ODF2L: variants seen among roughly 807,000 people sequenced by gnomAD.
ODF2L encodes the protein outer dense fiber of sperm tails 2 like, also known as protein BCAP.
ODF2L carries 76 observed loss-of-function variants against 86.3 expected under a neutral mutation model. The observed-to-expected ratio is 0.88, with a 90% confidence interval of 0.73 to 1.07. ODF2L has a LOEUF of 1.07. Among genes scored for constraint, ODF2L ranks in the 50% least tolerant of loss-of-function variants. The pLI, the probability that ODF2L is intolerant of heterozygous loss-of-function variation, is 0.00. For missense variants in ODF2L, 748 were observed against 717.4 expected (o/e 1.04, Z -0.49); for synonymous variants, 241 against 231.3 (o/e 1.04, Z -0.38).
chr1:86,354,108 G>C (rs1209695334), intron 16 of ODF2L, among the ~76,000 whole-genome samples: 2 of 152,226 alleles, frequency 1.3e-5, no homozygotes, highest in African/African-American at 4.8e-5. Flanking sequence ...AGTATTCGTT[G>C]AATGCTAACC....
Position 86,382,986 on chromosome 1 carries a change from ACCTT to A in ODF2L, c.448_451del (p.Lys150TyrfsTer23). 1 of 1,545,880 alleles carries A rather than the reference ACCTT, an allele frequency of 6.5e-7. No individual in the cohort carries two copies. On this transcript the variant is annotated frameshift_variant, in exon 6 of 18. Coordinates refer to ENST00000317336, the Ensembl canonical transcript of ODF2L. LOFTEE classifies it high-confidence loss of function. ...TTGGATATGGGCCTCCTTTTCAAAT[ACCTT>A]CTTCTTAAGATTCTTGAGCAAATAT... is the stretch of plus-strand genomic sequence containing the variant.
intron 7 of ODF2L, among the ~76,000 whole-genome samples, chr1:86,378,682 G>A (rs1279382852): frequency 1.3e-5 from 2 of 152,072 alleles, no homozygotes; most frequent in Non-Finnish European, 2.9e-5. Context: ...GAAGAGCCAA[G>A]GGGGGAAGCC....
At chr1:86,355,676 T>A (rs1410363800) in intron 14 of ODF2L, among the ~76,000 whole-genome samples, 5 of 152,162 alleles carry the variant, frequency 3.3e-5, no homozygotes, top group Non-Finnish European at 7.4e-5. Context: ...ATCCTCTCCC[T>A]CTTCCCACTC....
chr1:86,347,597 GAC>G (rs1208906881), downstream of ODF2L: 2 of 152,180 alleles, frequency 1.3e-5, no homozygotes, highest in Admixed American at 6.5e-5. Flanking sequence ...TGAATGATAT[GAC>G]AGTCTTAAAA....
At chr1:86,363,745 T>C (rs1399652808) in intron 11 of ODF2L, among the ~76,000 whole-genome samples, 1 of 151,936 alleles carries the variant, frequency 6.6e-6, no homozygotes, top group Admixed American at 6.6e-5. Flanking sequence ...AGATTACAGG[T>C]GATTTAAATT....
In ODF2L at chr1:86,386,914, C is replaced by A; in HGVS notation, c.113+1G>T. Reference sequence around the variant, plus strand: ...ATTTCCCCTGATACTGATGAGAATACCAGCTGAGATGACTTTCACTGGTAC... The same window carrying A: ...ATTTCCCCTGATACTGATGAGAATAACAGCTGAGATGACTTTCACTGGTAC... On this transcript the variant is annotated splice_donor_variant, in intron 2 of 17. Transcript: ENST00000317336. LOFTEE classifies it high-confidence loss of function. The A allele has an allele frequency of 6.8e-7, 1 of 1,476,706 alleles. No homozygotes were observed. Among genetic ancestry groups the A allele is most frequent in the East Asian group, 2.3e-5 (1 of 43,152 alleles). 91.5% of individuals were successfully genotyped at this position (1,476,706 alleles called of 1,614,324 possible).
At chr1:86,394,800 T>C (rs909663742) in intron 1 of ODF2L, among the ~76,000 whole-genome samples, 6 of 151,498 alleles carry the variant, frequency 4.0e-5, no homozygotes, top group Admixed American at 3.9e-4. Context: ...TCAAACTAAT[T>C]TCAAAAGCAG....
intron 11 of ODF2L, among the ~76,000 whole-genome samples, chr1:86,364,857 T>C (rs918353657): frequency 6.6e-6 from 1 of 152,200 alleles, no homozygotes; most frequent in East Asian, 1.9e-4. Context: ...GTAATAAACA[T>C]ACATCTCTAT....
chr1:86,382,886 A>G (rs2101312460), intron 6 of ODF2L, 45 bp downstream of exon 6: 2 of 899,046 alleles, frequency 2.2e-6, no homozygotes, highest in Admixed American at 1.8e-5. Flanking sequence ...AAGGGAGTCA[A>G]TATTAATATA....
intron 12 of ODF2L, 24 bp from the exon 12 acceptor site, chr1:86,358,915 CATATT>C: frequency 1.8e-6 from 2 of 1,120,484 alleles, no homozygotes; most frequent in Middle Eastern, 2.1e-4. Context: ...ATTAGAGAAA[CATATT>C]ATTTTTAGAA....
At chr1:86,393,152 T>C (rs986900424) in intron 1 of ODF2L, among the ~76,000 whole-genome samples, 1 of 152,218 alleles carries the variant, frequency 6.6e-6, no homozygotes, top group Admixed American at 6.5e-5. Context: ...CAGATGAATA[T>C]GTATTTTAAA....
intron 6 of ODF2L, 140 bp from the exon 7 acceptor site, chr1:86,382,498 G>A (rs760020836): frequency 2.0e-5 from 28 of 1,382,282 alleles, no homozygotes; most frequent in African/African-American, 1.2e-4. Context: ...ATAAACTGCC[G>A]CCCCTATTAC....
At chr1:86,355,294 A>C in intron 14 of ODF2L, 1 of 1,183,676 alleles carries the variant, frequency 8.4e-7, no homozygotes, top group Non-Finnish European at 1.2e-6. Flanking sequence ...TAAATAAAAT[A>C]CATATTTTTT....
At chr1:86,352,275 T>A in intron 17 of ODF2L, 2 of 1,406,476 alleles carry the variant, frequency 1.4e-6, no homozygotes, top group Non-Finnish European at 9.3e-7. Context: ...CGTAATTTAA[T>A]CATGAGTAAT....
At chr1:86,383,276 C>T (rs925961757) in intron 4 of ODF2L, 80 bp from the exon 5 acceptor site, 4 of 621,076 alleles carry the variant, frequency 6.4e-6, no homozygotes, top group South Asian at 2.6e-5. Flanking sequence ...ATAAGCACTA[C>T]TCAATAAATT....
chr1:86,348,882 A>C, downstream of ODF2L: 1 of 1,551,566 alleles, frequency 6.4e-7, no homozygotes, highest in Non-Finnish European at 8.6e-7. Flanking sequence ...GTGCTTTCTA[A>C]AGAAAAAAGG....
At chr1:86,373,421 T>C (rs868205308) in intron 8 of ODF2L, among the ~76,000 whole-genome samples, 3 of 150,354 alleles carry the variant, frequency 2.0e-5, no homozygotes, top group African/African-American at 7.3e-5. Flanking sequence ...GGGCTACAAA[T>C]GTCTGCCAAC....
intron 14 of ODF2L, chr1:86,355,502 G>A (rs1658479033): frequency 6.9e-6 from 4 of 579,460 alleles, no homozygotes; most frequent in Non-Finnish European, 1.2e-5. Context: ...TCTCTTCTCA[G>A]GAATTTAAAC....
At position 86,354,519 on chromosome 1, in the gene ODF2L, G is replaced by A. The variant is rs768165054; in HGVS notation, c.1767+11C>T. The stretch of plus-strand genomic sequence containing the variant: ...TGAATTAAAAAGTTTCTAAATAAAG[G>A]CCATGCATACCTTTTGTCTTCCTTC... On this transcript the variant is annotated intron_variant, in intron 16 of 17. Coordinates refer to ENST00000317336, the Ensembl canonical transcript of ODF2L. 1.9e-6 allele frequency: 3 copies of A among 1,545,076 alleles called. No homozygotes were observed. Among genetic ancestry groups the A allele is most frequent in the Non-Finnish European group, 2.6e-6 (3 of 1,134,988 alleles).
Sources: gnomAD v4.1 joint callset for allele counts (sites outside exome capture counted in the v4.1 genomes callset) on GRCh38, gnomAD v4.1.1 for gene constraint, MANE v1.5 for transcripts, NCBI Gene and HGNC (gene_info 2026-07-23, HGNC 2026-07-21) for gene names.